Variants in OSBPL6 observed in about 807,000 individuals in gnomAD.
The protein encoded by OSBPL6 is oxysterol-binding protein-related protein 6.
In OSBPL6, 49 loss-of-function variants were observed where a neutral mutation model predicts 125.8. The observed-to-expected ratio is 0.39, with a 90% CI of 0.31 to 0.49. OSBPL6 has a LOEUF of 0.49. Among genes scored for constraint, OSBPL6 ranks in the 20% least tolerant of loss-of-function variants. OSBPL6 has a pLI of 0.88. For synonymous variants in OSBPL6, 394 were observed against 391.8 expected (o/e 1.01, Z -0.07); for missense variants, 986 against 1,135.4 (o/e 0.87, Z 1.89).
Position 178,396,557 on chromosome 2 carries a change from T to G in OSBPL6, c.*998T>G, listed in dbSNP as rs1695855979. The G allele has an allele frequency of 6.6e-6, 1 of 152,228 alleles. No homozygotes were observed. Among genetic ancestry groups the G allele is most frequent in the Admixed American group, 6.5e-5 (1 of 15,284 alleles). The allele number at this position is 152,228 out of a possible 1,614,324, so 9.4% of individuals were successfully genotyped here. ...TACTATAAATGTAATTGTTTTTGAG[T>G]GAAGCACCATGTAATCCATGTCTCA... On this transcript the variant is annotated 3_prime_UTR_variant, in exon 25 of 25. Transcript: ENST00000190611.
intron 8 of OSBPL6, among the ~76,000 whole-genome samples, chr2:178,334,558 C>T (rs1447069385): frequency 6.6e-6 from 1 of 152,128 alleles, no homozygotes; most frequent in East Asian, 1.9e-4. Context: ...CTCACTCTGT[C>T]ACCCAGGCTG....
intron 14 of OSBPL6, 41 bp from the exon 15 acceptor site, chr2:178,373,849 G>A: frequency 6.2e-7 from 1 of 1,608,454 alleles, no homozygotes; most frequent in Non-Finnish European, 8.5e-7. Context: ...TATTCTAACA[G>A]GGAGAAAAGC....
At chr2:178,258,625 G>T (rs1217026337) in intron 1 of OSBPL6, among the ~76,000 whole-genome samples, 1 of 152,104 alleles carries the variant, frequency 6.6e-6, no homozygotes, top group African/African-American at 2.4e-5. Flanking sequence ...ACTAGTCTTA[G>T]CTATACAGTC....
chr2:178,218,218 G>A lies in OSBPL6; in HGVS notation c.-351+23544G>A, dbSNP rs2090169542. On this transcript the variant is annotated intron_variant, in intron 1 of 24. Coordinates refer to ENST00000190611, the MANE Select transcript of OSBPL6 (RefSeq NM_032523.4). Reference sequence around the variant, plus strand: ...GACTGTGCTTTTGAAAAGGAGGTTGGAAGGTGTTAAAGATTTTATTTTACA... The same window carrying A: ...GACTGTGCTTTTGAAAAGGAGGTTGAAAGGTGTTAAAGATTTTATTTTACA... Among the ~76,000 whole-genome samples the A allele has an allele frequency of 2.0e-5, 3 of 152,268 alleles. No homozygotes were observed. The South Asian group carries it at 6.2e-4, about 32-fold the overall frequency.
intron 15 of OSBPL6, among the ~76,000 whole-genome samples, chr2:178,378,310 A>G (rs1694078327): frequency 6.6e-6 from 1 of 152,232 alleles, no homozygotes; most frequent in Non-Finnish European, 1.5e-5. Flanking sequence ...TGGTGAGCCC[A>G]GAGCAGGTAC....
chr2:178,289,977 C>T (rs1197254073), intron 2 of OSBPL6, among the ~76,000 whole-genome samples: 2 of 152,200 alleles, frequency 1.3e-5, no homozygotes, highest in Non-Finnish European at 2.9e-5. Flanking sequence ...AGTTACCCCA[C>T]TTTTAGTGAT....
At chr2:178,384,879 A>T (rs1032777514) in intron 18 of OSBPL6, among the ~76,000 whole-genome samples, 4 of 130,650 alleles carry the variant, frequency 3.1e-5, no homozygotes, top group East Asian at 6.0e-4. Flanking sequence ...AGCCTTTTTA[A>T]AAAAAAAAAA....
chr2:178,236,226 A>G (rs2153985340), intron 1 of OSBPL6, among the ~76,000 whole-genome samples: 1 of 150,810 alleles, frequency 6.6e-6, no homozygotes, highest in South Asian at 2.1e-4. Flanking sequence ...CTTAATCCTG[A>G]AAAAAAAATT....
At chr2:178,195,106 GGGT>G (rs2088793156) in intron 1 of OSBPL6, among the ~76,000 whole-genome samples, 1 of 152,194 alleles carries the variant, frequency 6.6e-6, no homozygotes, top group Non-Finnish European at 1.5e-5. Context: ...GAACCGGCGC[GGGT>G]GAGAGCGCCC....
At chr2:178,310,441 G>A (rs954599025) in intron 3 of OSBPL6, among the ~76,000 whole-genome samples, 7 of 112,096 alleles carry the variant, frequency 6.2e-5, no homozygotes, top group Admixed American at 1.2e-4. Context: ...TTTTTGAGAC[G>A]GAGTCTTGCT....
intron 2 of OSBPL6, among the ~76,000 whole-genome samples, chr2:178,291,480 T>C (rs1685255302): frequency 6.6e-6 from 1 of 152,202 alleles, no homozygotes; most frequent in South Asian, 2.1e-4. Flanking sequence ...TGTTTTTATT[T>C]TATTGCTTCT....
intron 1 of OSBPL6, among the ~76,000 whole-genome samples, chr2:178,269,683 G>A (rs2092329013): frequency 6.6e-6 from 1 of 152,150 alleles, no homozygotes; most frequent in Admixed American, 6.5e-5. Flanking sequence ...CTCCCTTTCA[G>A]GGCCTTGTTA....
chr2:178,309,737 C>G, intron 3 of OSBPL6, among the ~76,000 whole-genome samples: 1 of 152,174 alleles, frequency 6.6e-6, no homozygotes, highest in East Asian at 1.9e-4. Context: ...AAAACTGGCT[C>G]TTTGTGTGTG....
At chr2:178,228,668 G>A (rs1280281782) in intron 1 of OSBPL6, among the ~76,000 whole-genome samples, 1 of 152,158 alleles carries the variant, frequency 6.6e-6, no homozygotes, top group Non-Finnish European at 1.5e-5. Context: ...CAAATATTAT[G>A]CTAACATATA....
intron 12 of OSBPL6, among the ~76,000 whole-genome samples, chr2:178,352,282 G>T (rs754927023): frequency 9.2e-5 from 14 of 152,158 alleles, no homozygotes; most frequent in Non-Finnish European, 1.8e-4. Context: ...GCAGGGCAGG[G>T]CGTTACCTCT....
intron 1 of OSBPL6, among the ~76,000 whole-genome samples, chr2:178,276,128 T>C (rs1374068821): frequency 6.6e-6 from 1 of 152,216 alleles, no homozygotes; most frequent in Non-Finnish European, 1.5e-5. Context: ...ATTACGATCA[T>C]CATAATTCAT....
chr2:178,263,832 T>TGTGC (rs1192102577), intron 1 of OSBPL6, among the ~76,000 whole-genome samples: 3 of 150,112 alleles, frequency 2.0e-5, no homozygotes, highest in African/African-American at 7.4e-5. Context: ...TGTGTGTGTG[T>TGTGC]GTGTGCGTGT....
intron 15 of OSBPL6, among the ~76,000 whole-genome samples, chr2:178,379,467 GAAA>G (rs1233150566): frequency 6.8e-6 from 1 of 147,192 alleles, no homozygotes; most frequent in Non-Finnish European, 1.5e-5. Flanking sequence ...GAGGGAAGGA[GAAA>G]AAAAGAAACA....
intron 1 of OSBPL6, among the ~76,000 whole-genome samples, chr2:178,243,464 A>C (rs1260827297): frequency 1.3e-4 from 20 of 152,098 alleles, no homozygotes; most frequent in Non-Finnish European, 1.0e-4. Context: ...CACTCCATTC[A>C]ATCAGTTGCT....
Sources: allele counts gnomAD v4.1 joint callset (sites outside exome capture counted in the v4.1 genomes callset), GRCh38; gene constraint gnomAD v4.1.1; transcripts MANE v1.5; gene names NCBI Gene and HGNC (gene_info 2026-07-23, HGNC 2026-07-21).